The following ZNF407 variants were observed in gnomAD, a reference collection of about 807,000 sequenced individuals.
The protein encoded by ZNF407 is zinc finger protein 407.
A neutral mutation model predicts 131.2 loss-of-function variants in ZNF407; 17 were observed. The ratio of observed to expected loss-of-function variants is 0.13; its 90% CI spans 0.09 to 0.19. ZNF407 has a LOEUF of 0.19. ZNF407 is among the 10% of genes least tolerant of loss of function. The probability of loss-of-function intolerance (pLI) is 1.00; values close to 1 mark genes in which losing one functional copy is unlikely to be tolerated. For missense variants in ZNF407, 2,681 were observed against 2,830.6 expected, an observed-to-expected ratio of 0.95 and a Z score of 1.20; for synonymous variants, 1,156 against 1,062.0, an observed-to-expected ratio of 1.09 and a Z score of -1.72.
At position 75,063,291 on chromosome 18, in the gene ZNF407, C is replaced by T. The variant is rs372757668; in HGVS notation, c.5570C>T (p.Ala1857Val). ...EKPLRSSRRP[A>V]PPPEQVQQVI... ...CCCCTCAGAAGCAGCAGGAGGCCAG[C>T]GCCGCCCCCTGAGCAGGTGCAGCAG... The change falls in exon 9 of 9, where the codon GCG becomes GTG. Residue 1857 changes from alanine to valine, a missense_variant. By Grantham distance (64) the Ala-to-Val change is moderately conservative. Around this residue, in one of 6 missense-constraint regions of ZNF407, gnomAD observed 620 missense variants for 583.1 expected, o/e 1.06. Coordinates refer to ENST00000299687, the MANE Select transcript of ZNF407 (RefSeq NM_017757.3). This position sits in a 1 kb window ranked among gnomAD's most constrained non-coding sequence, Gnocchi z 6.6. The T allele has an allele frequency of 1.1e-5, 18 of 1,613,568 alleles. No homozygotes were observed. The highest frequency in any genetic ancestry group is 1.6e-4 in the Middle Eastern group (1 of 6,084).
At chr18:75,049,575 G>A (rs910514431) in intron 8 of ZNF407, among the ~76,000 whole-genome samples, 1 of 152,002 alleles carries the variant, frequency 6.6e-6, no homozygotes, top group African/African-American at 2.4e-5. Context: ...TTTTTAATAG[G>A]AGTCTCAATG....
intron 3 of ZNF407, among the ~76,000 whole-genome samples, chr18:74,663,037 CA>C (rs1266105663): frequency 1.3e-5 from 2 of 152,180 alleles, no homozygotes; most frequent in Non-Finnish European, 1.5e-5. Context: ...TTGAGATACA[CA>C]AGGTGGAAGC....
intron 4 of ZNF407, among the ~76,000 whole-genome samples, chr18:74,844,284 C>G (rs1970673345): frequency 6.6e-6 from 1 of 152,136 alleles, no homozygotes; most frequent in East Asian, 1.9e-4. Context: ...ACGGTGAACC[C>G]CTCTGTGAGC....
At chr18:74,838,282 C>T (rs948057494) in intron 4 of ZNF407, among the ~76,000 whole-genome samples, 1 of 152,168 alleles carries the variant, frequency 6.6e-6, no homozygotes, top group African/African-American at 2.4e-5. Context: ...CAATATGAAG[C>T]TGTGATTCTT....
intron 7 of ZNF407, among the ~76,000 whole-genome samples, chr18:74,914,942 A>G (rs1172198758): frequency 1.3e-5 from 2 of 152,248 alleles, no homozygotes; most frequent in African/African-American, 4.8e-5. Flanking sequence ...CTAGTTCATT[A>G]CAGATGGAAA....
intron 8 of ZNF407, among the ~76,000 whole-genome samples, chr18:75,024,820 G>A (rs182465328): frequency 2.0e-5 from 3 of 152,228 alleles, no homozygotes; most frequent in Non-Finnish European, 2.9e-5. Flanking sequence ...ACACCATCTG[G>A]TTCAATAATT....
At chr18:74,856,663 G>A (rs1970863133) in intron 4 of ZNF407, among the ~76,000 whole-genome samples, 1 of 152,096 alleles carries the variant, frequency 6.6e-6, no homozygotes, top group Non-Finnish European at 1.5e-5. Context: ...AAACACAGAG[G>A]AGCATTGTAA....
At chr18:74,777,998 C>T (rs1254211408) in intron 3 of ZNF407, among the ~76,000 whole-genome samples, 1 of 152,072 alleles carries the variant, frequency 6.6e-6, no homozygotes, top group African/African-American at 2.4e-5. Flanking sequence ...GTGAGGATCC[C>T]TTGAACCTCG....
chr18:74,787,942 A>G (rs1969751663), intron 4 of ZNF407, among the ~76,000 whole-genome samples: 2 of 152,320 alleles, frequency 1.3e-5, no homozygotes, highest in African/African-American at 4.8e-5. Flanking sequence ...TAAGACTCAG[A>G]AGAATTATTT....
intron 3 of ZNF407, among the ~76,000 whole-genome samples, chr18:74,728,063 G>A (rs1051531046): frequency 6.6e-6 from 1 of 152,058 alleles, no homozygotes; most frequent in African/African-American, 2.4e-5. Flanking sequence ...CATAGTTGTT[G>A]TTGTTGTTTT....
At chr18:75,053,543 T>G (rs919989017) in intron 8 of ZNF407, among the ~76,000 whole-genome samples, 4 of 152,198 alleles carry the variant, frequency 2.6e-5, no homozygotes, top group Non-Finnish European at 5.9e-5. Context: ...GTTTGTCTTT[T>G]GTTTGATTTT....
At chr18:74,753,177 C>T (rs1285810206) in intron 3 of ZNF407, among the ~76,000 whole-genome samples, 3 of 152,106 alleles carry the variant, frequency 2.0e-5, no homozygotes, top group Non-Finnish European at 4.4e-5. Context: ...TGATTTGGCT[C>T]TCTGTTTGTC....
At position 75,021,818 on chromosome 18, in the gene ZNF407, GAACT is replaced by G. The variant is rs1271462077; in HGVS notation, c.5429-41328_5429-41325del. On this transcript the variant is annotated intron_variant, in intron 8 of 8. Transcript: ENST00000299687. The stretch of plus-strand genomic sequence containing the variant: ...GAACTTTCTCATAATTTGAATAAAA[GAACT>G]AACAAAATAACTGATTAATAGATAT... Among the ~76,000 whole-genome samples the G allele has an allele frequency of 9.2e-5, 14 of 151,858 alleles. No homozygotes were observed. The East Asian group carries it at 1.9e-3, about 21-fold the overall frequency.
In ZNF407 at chr18:74,866,161, G is replaced by A. The variant is rs1040264024; in HGVS notation, c.4878-11036G>A. Among the ~76,000 whole-genome samples, 78 of 152,122 alleles carry A rather than the reference G, an allele frequency of 5.1e-4. 3 individuals are homozygous for A. The highest frequency in any genetic ancestry group is 4.8e-5 in the African/African-American group (2 of 41,416). ...TTTAGAGCAGGCTGTGATCTATGTC[G>A]GGTTCTACTGTGTCTATGTTGAATT... On this transcript the variant is annotated intron_variant, in intron 4 of 8. Transcript: ENST00000299687.
At chr18:74,728,581 A>G (rs571957440) in intron 3 of ZNF407, among the ~76,000 whole-genome samples, 323 of 152,294 alleles carry the variant, frequency 2.1e-3, no homozygotes, top group Admixed American at 4.1e-3. Flanking sequence ...GTGTTCAATC[A>G]ACAGATTGAG....
At chr18:74,992,463 G>A (rs1356185566) in intron 8 of ZNF407, among the ~76,000 whole-genome samples, 1 of 152,144 alleles carries the variant, frequency 6.6e-6, no homozygotes, top group Non-Finnish European at 1.5e-5. Context: ...GAGTGTTCTG[G>A]GTGGAAAGAA....
chr18:74,861,442 C>G (rs895591174), intron 4 of ZNF407, among the ~76,000 whole-genome samples: 1 of 152,138 alleles, frequency 6.6e-6, no homozygotes, highest in Non-Finnish European at 1.5e-5. Context: ...GACAGAAGGC[C>G]CAGATAAGGC....
chr18:74,626,775 C>A (rs1599021832), intron 1 of ZNF407, among the ~76,000 whole-genome samples: 2 of 152,338 alleles, frequency 1.3e-5, no homozygotes, highest in Admixed American at 6.5e-5. Flanking sequence ...TCCCTTCCCC[C>A]ACAGAGCATA....
At chr18:74,999,369 A>AG (rs1223316587) in intron 8 of ZNF407, among the ~76,000 whole-genome samples, 1 of 150,062 alleles carries the variant, frequency 6.7e-6, no homozygotes, top group Non-Finnish European at 1.5e-5. Flanking sequence ...AAAAAAAAAA[A>AG]AAAAAACAAA....
Sources: gnomAD v4.1 joint callset for allele counts (sites outside exome capture counted in the v4.1 genomes callset) on GRCh38, gnomAD v4.1.1 for gene constraint, gnomAD v4.1.1 regional missense constraint, Gnocchi (gnomAD v3.1) non-coding constraint, MANE v1.5 for transcripts, NCBI Gene and HGNC (gene_info 2026-07-23, HGNC 2026-07-21) for gene names.